OCLN: variants seen among roughly 807,000 people sequenced by gnomAD.
OCLN encodes the protein occludin, also known as phosphatase 1, regulatory subunit 115.
OCLN carries 21 observed loss-of-function variants against 47.9 expected under a neutral mutation model. That is an observed-to-expected ratio of 0.44 (90% CI 0.31 to 0.63). The LOEUF is 0.63. OCLN is among the 30% of genes least tolerant of loss of function. The pLI is 0.08. For synonymous variants in OCLN, 117 were observed against 198.4 expected, an observed-to-expected ratio of 0.59 and a Z score of 3.45; for missense variants, 360 against 571.0, an observed-to-expected ratio of 0.63 and a Z score of 3.77.
chr5:69,504,983 C>T (rs1768558558), intron 2 of OCLN, among the ~76,000 whole-genome samples: 1 of 151,950 alleles, frequency 6.6e-6, no homozygotes, highest in African/African-American at 2.4e-5. Context: ...GGCCTGGTGG[C>T]TCATGCCTGT....
intron 4 of OCLN, among the ~76,000 whole-genome samples, chr5:69,520,894 C>T (rs1769119044): frequency 6.6e-6 from 1 of 152,136 alleles, no homozygotes; most frequent in Admixed American, 6.5e-5. Flanking sequence ...GTCACCCAGG[C>T]TGGAGTGCAA....
At chr5:69,531,863 A>G (rs945163563) in intron 4 of OCLN, among the ~76,000 whole-genome samples, 4 of 152,238 alleles carry the variant, frequency 2.6e-5, no homozygotes, top group Non-Finnish European at 5.9e-5. Flanking sequence ...TAAGAATGGG[A>G]AACTTAAGAT....
intron 2 of OCLN, among the ~76,000 whole-genome samples, chr5:69,508,585 C>T (rs2111971372): frequency 6.6e-6 from 1 of 152,298 alleles, no homozygotes; most frequent in African/African-American, 2.4e-5. Context: ...AAGTGATCCA[C>T]CCGCCTTGGC....
intron 1 of OCLN, among the ~76,000 whole-genome samples, chr5:69,498,107 G>A (rs28451759): frequency 0.64 from 96,515 of 151,708 alleles, 34,710 homozygotes; most frequent in Non-Finnish European, 0.81. Context: ...ACTCCAGCCT[G>A]GGCGACAGAG....
chr5:69,498,050 T>C (rs1561328460), intron 1 of OCLN, among the ~76,000 whole-genome samples: 1 of 151,098 alleles, frequency 6.6e-6, no homozygotes, highest in East Asian at 2.0e-4. Context: ...GAGAATGGCG[T>C]GAACCCGGGA....
At chr5:69,502,196 CAAA>C (rs575237563) in intron 1 of OCLN, among the ~76,000 whole-genome samples, 2 of 74,664 alleles carry the variant, frequency 2.7e-5, no homozygotes, top group African/African-American at 1.0e-4. Context: ...AGACTCGGCT[CAAA>C]AAAAAAAAAA....
chr5:69,520,352 G>A (rs1231939531), intron 4 of OCLN, among the ~76,000 whole-genome samples: 1 of 150,446 alleles, frequency 6.6e-6, no homozygotes. Flanking sequence ...CCAGGCTGGA[G>A]CGCAGTGGCA....
intron 1 of OCLN, among the ~76,000 whole-genome samples, chr5:69,497,166 G>A (rs897735854): frequency 2.0e-5 from 3 of 152,056 alleles, no homozygotes; most frequent in African/African-American, 4.8e-5. Flanking sequence ...AGTTATTTTC[G>A]GAGAGGGTGT....
chr5:69,497,722 G>A (rs1003915325), intron 1 of OCLN, among the ~76,000 whole-genome samples: 7 of 152,148 alleles, frequency 4.6e-5, no homozygotes, highest in African/African-American at 1.4e-4. Context: ...CCCTCCTGGA[G>A]AGGCACATAG....
chr5:69,498,320 C>G (rs1321234206), intron 1 of OCLN, among the ~76,000 whole-genome samples: 1 of 151,956 alleles, frequency 6.6e-6, no homozygotes, highest in Non-Finnish European at 1.5e-5. Context: ...ATGGTGAAAC[C>G]CCGTTTCTAC....
At chr5:69,506,274 G>A (rs1019885591) in intron 2 of OCLN, among the ~76,000 whole-genome samples, 9 of 152,142 alleles carry the variant, frequency 5.9e-5, no homozygotes, top group Non-Finnish European at 1.3e-4. Context: ...GGGAAACCCT[G>A]TCTTTTAAGA....
intron 4 of OCLN, among the ~76,000 whole-genome samples, chr5:69,516,332 CAA>C (rs1171891253): frequency 6.6e-6 from 1 of 152,144 alleles, no homozygotes; most frequent in Non-Finnish European, 1.5e-5. Flanking sequence ...CCGTCTCCAC[CAA>C]AAAAATAAGA....
rs1266932035 is a variant in OCLN at position 69,509,330 on chromosome 5, TG to T, written c.241del (p.Ala81ProfsTer18). 6.2e-7 allele frequency: 1 copy of T among 1,614,100 alleles called. No homozygotes were observed. The highest frequency in any genetic ancestry group is 8.5e-7 in the Non-Finnish European group (1 of 1,180,028). On this transcript the variant is annotated frameshift_variant, in exon 3 of 9. Coordinates refer to ENST00000396442, the MANE Select transcript of OCLN (RefSeq NM_001205254.2). LOFTEE classifies it high-confidence loss of function. The part of the protein sequence containing the change: ...LIIVMCIAIF[A>X]CVASTLAWDR... ...TTATTGTGATGTGCATTGCCATCTT[TG>T]CCTGTGTGGCCTCCACGCTTGCCTG...
chr5:69,549,429 C>T (rs1369263912), intron 7 of OCLN, among the ~76,000 whole-genome samples: 2 of 147,076 alleles, frequency 1.4e-5, no homozygotes, highest in South Asian at 4.3e-4. Context: ...ATCAAGAAAT[C>T]CTTATCACCA....
chr5:69,515,799 C>T (rs1034372519), intron 4 of OCLN, among the ~76,000 whole-genome samples: 4 of 150,390 alleles, frequency 2.7e-5, no homozygotes, highest in African/African-American at 7.4e-5. Context: ...TGGGCAGAGA[C>T]GCTCCTCACC....
At chr5:69,512,941 C>T (rs1768826496) in intron 3 of OCLN, among the ~76,000 whole-genome samples, 7 of 152,110 alleles carry the variant, frequency 4.6e-5, no homozygotes, top group Admixed American at 3.9e-4. Context: ...ATGAGTCACT[C>T]CTTTGGAGTT....
intron 4 of OCLN, among the ~76,000 whole-genome samples, chr5:69,531,566 CTGTTGTAAACTTT>C (rs1412672003): frequency 6.6e-6 from 1 of 152,200 alleles, no homozygotes; most frequent in Non-Finnish European, 1.5e-5. Flanking sequence ...TTGGCAACTT[CTGTTGTAAACTTT>C]TGTTGTAAGG....
chr5:69,526,760 C>G (rs1769291616), intron 4 of OCLN, among the ~76,000 whole-genome samples: 2 of 152,318 alleles, frequency 1.3e-5, no homozygotes, highest in South Asian at 4.2e-4. Context: ...CTGGCAGACA[C>G]TGAAAGGCAC....
intron 3 of OCLN, among the ~76,000 whole-genome samples, chr5:69,512,023 CAAAAAA>C (rs758425657): frequency 5.9e-5 from 2 of 33,878 alleles, no homozygotes; most frequent in East Asian, 1.4e-3. Context: ...AACTCTGTCT[CAAAAAA>C]AAAAAAAAAA....
Sources: allele counts gnomAD v4.1 joint callset (sites outside exome capture counted in the v4.1 genomes callset), GRCh38; gene constraint gnomAD v4.1.1; transcripts MANE v1.5; gene names NCBI Gene and HGNC (gene_info 2026-07-23, HGNC 2026-07-21).